Variants in PPP1R21 observed in about 807,000 individuals in gnomAD.
PPP1R21 encodes the protein protein phosphatase 1 regulatory subunit 21, also known as KLRAQ motif containing 1.
A neutral mutation model predicts 112.8 loss-of-function variants in PPP1R21; 85 were observed. The observed-to-expected ratio is 0.75, with a 90% CI of 0.63 to 0.90. The LOEUF is 0.90. Ranked by LOEUF, PPP1R21 falls within the 40% of genes least tolerant of loss-of-function variation. The pLI is 0.00. For synonymous variants in PPP1R21, 381 were observed against 322.3 expected (o/e 1.18, Z -1.95); for missense variants, 1,199 against 901.5 (o/e 1.33, Z -4.23).
chr2:48,509,047 G>A (rs1251816496), intron 19 of PPP1R21, among the ~76,000 whole-genome samples: 1 of 152,152 alleles, frequency 6.6e-6, no homozygotes, highest in Non-Finnish European at 1.5e-5. Context: ...TTATCAGAAA[G>A]TTTAGTGAGC....
In PPP1R21 at chr2:48,458,057, A is replaced by G. The variant is rs775044431; in HGVS notation, c.274-69A>G. Reference sequence around the variant, plus strand: ...AGACAAGCTTCTAAGATGATAGAGAATCTGTGTACCTTAGGATGTTTCTCT... The same window carrying G: ...AGACAAGCTTCTAAGATGATAGAGAGTCTGTGTACCTTAGGATGTTTCTCT... On this transcript the variant is annotated intron_variant, in intron 3 of 21. Transcript: ENST00000294952. 1.8e-5 allele frequency: 18 copies of G among 993,946 alleles called. No homozygotes were observed. In the South Asian group the frequency reaches 2.2e-4, roughly 12 times the overall value. The allele number at this position is 993,946 out of a possible 1,614,324, so 61.6% of individuals were successfully genotyped here.
chr2:48,511,662 G>C (rs1004045704), intron 21 of PPP1R21, among the ~76,000 whole-genome samples, 194 bp downstream of exon 21: 1 of 149,446 alleles, frequency 6.7e-6, no homozygotes, highest in African/African-American at 2.5e-5. Context: ...AGGAGTTGGA[G>C]AGCAGAGTGG....
chr2:48,471,560 A>G (rs1668496651), intron 11 of PPP1R21, 193 bp downstream of exon 11: 1 of 548,964 alleles, frequency 1.8e-6, no homozygotes, highest in African/African-American at 1.9e-5. Flanking sequence ...GTTGAATTAT[A>G]GTCTGTCAGT....
intron 4 of PPP1R21, among the ~76,000 whole-genome samples, 165 bp downstream of exon 4, chr2:48,458,392 A>G (rs1178416128): frequency 6.6e-6 from 1 of 152,204 alleles, no homozygotes; most frequent in Admixed American, 6.5e-5. Flanking sequence ...CTTAAATATC[A>G]CACAGTCTTA....
chr2:48,456,530 T>C (rs1260299637), intron 3 of PPP1R21, among the ~76,000 whole-genome samples: 1 of 152,232 alleles, frequency 6.6e-6, no homozygotes, highest in Non-Finnish European at 1.5e-5. Context: ...ATCAGCAAAG[T>C]GACAATGAGC....
At chr2:48,509,870 A>G (rs535421815) in intron 19 of PPP1R21, 145 bp from the exon 20 acceptor site, 3 of 531,352 alleles carry the variant, frequency 5.6e-6, no homozygotes, top group South Asian at 7.0e-5. Context: ...GATGTGTGAC[A>G]CAATGCCTAT....
intron 16 of PPP1R21, 147 bp from the exon 17 acceptor site, chr2:48,498,346 A>T: frequency 1.4e-6 from 1 of 699,170 alleles, no homozygotes; most frequent in South Asian, 2.1e-5. Flanking sequence ...ATGTCTAATA[A>T]ATCTCTTCCT....
chr2:48,497,095 C>G (rs896434942), intron 16 of PPP1R21, among the ~76,000 whole-genome samples: 1 of 152,180 alleles, frequency 6.6e-6, no homozygotes, highest in Non-Finnish European at 1.5e-5. Context: ...GTCACAAGTT[C>G]TCAAGGTCCA....
chr2:48,493,633 T>C (rs1376482917), intron 15 of PPP1R21, among the ~76,000 whole-genome samples: 3 of 152,136 alleles, frequency 2.0e-5, no homozygotes, highest in African/African-American at 7.2e-5. Flanking sequence ...GATCTTTAAT[T>C]CATCCAGAAT....
rs759529277 is a variant in PPP1R21 at position 48,490,992 on chromosome 2, C to A, written c.1447-26C>A. The A allele has an allele frequency of 1.9e-6, 3 of 1,604,904 alleles. No homozygotes were observed. The Admixed American group carries it at 5.0e-5, about 27-fold the overall frequency. On this transcript the variant is annotated intron_variant, in intron 14 of 21. Coordinates refer to ENST00000294952, the MANE Select transcript of PPP1R21 (RefSeq NM_001135629.3). ...TAGATATATTGTTGGAAAACAAAAT[C>A]TATTTCCTTGTCATACTTTGTTTAG...
intron 20 of PPP1R21, 38 bp from the exon 21 acceptor site, chr2:48,511,302 G>T (rs181208571): frequency 1.9e-6 from 3 of 1,594,956 alleles, no homozygotes; most frequent in Non-Finnish European, 1.7e-6. Flanking sequence ...GGTACGACTC[G>T]TGGGATGTTG....
intron 3 of PPP1R21, among the ~76,000 whole-genome samples, chr2:48,455,231 C>T (rs1335348293): frequency 6.7e-6 from 1 of 148,402 alleles, no homozygotes; most frequent in Non-Finnish European, 1.5e-5. Context: ...ACCACAACCT[C>T]TGCCTCCCAG....
intron 21 of PPP1R21, among the ~76,000 whole-genome samples, chr2:48,514,073 CTTTTTTT>C (rs1225415838): frequency 6.7e-5 from 6 of 89,900 alleles, no homozygotes; most frequent in Admixed American, 2.7e-4. Context: ...GAGACATGTT[CTTTTTTT>C]TTTTTTTTTT....
intron 20 of PPP1R21, 28 bp downstream of exon 20, chr2:48,510,141 T>C (rs1303246642): frequency 1.3e-6 from 2 of 1,547,932 alleles, no homozygotes; most frequent in Non-Finnish European, 1.8e-6. Context: ...TGAATGGTTT[T>C]AATGTTTTTT....
In PPP1R21 at chr2:48,479,941, C is replaced by G. The variant is rs149198729; in HGVS notation, c.1243C>G (p.Leu415Val). The part of the protein sequence containing the change: ...LALPSTEPDG[L>V]LRTNYSSVLT... The stretch of plus-strand genomic sequence containing the variant: ...TTTCCTAGGTACAGAGCCAGATGGA[C>G]TCCTTCGGACAAACTACAGTTCTGT... Residue 415 changes from leucine (L) to valine (V), a missense_variant, in exon 13 of 22, where the codon CTC becomes GTC. Coordinates refer to ENST00000294952, the MANE Select transcript of PPP1R21 (RefSeq NM_001135629.3). 162 of 1,610,486 alleles carry G rather than the reference C, an allele frequency of 1.0e-4. No individual in the cohort carries two copies. In the African/African-American group the frequency reaches 2.0e-3, roughly 20 times the overall value.
intron 15 of PPP1R21, among the ~76,000 whole-genome samples, chr2:48,494,662 C>T (rs554419826): frequency 3.6e-4 from 54 of 151,424 alleles, no homozygotes; most frequent in Non-Finnish European, 6.8e-4. Flanking sequence ...GAAGTCCACC[C>T]GCCTCGGCCT....
At chr2:48,474,872 A>C (rs184135915) in intron 12 of PPP1R21, 53 bp downstream of exon 12, 2 of 1,518,486 alleles carry the variant, frequency 1.3e-6, no homozygotes, top group Non-Finnish European at 1.8e-6. Context: ...GAGTACAAGA[A>C]GCTGGAAAAG....
At chr2:48,445,816 A>G (rs1273895164) in intron 1 of PPP1R21, among the ~76,000 whole-genome samples, 2 of 152,210 alleles carry the variant, frequency 1.3e-5, no homozygotes, top group Admixed American at 6.5e-5. Flanking sequence ...TAGCCTGCAC[A>G]TACTTTATCC....
chr2:48,451,206 A>C, intron 2 of PPP1R21, 130 bp downstream of exon 2: 1 of 690,856 alleles, frequency 1.4e-6, no homozygotes, highest in Middle Eastern at 2.5e-4. Flanking sequence ...GGACAGTAAT[A>C]CAGTCTTTTG....
Sources: allele counts gnomAD v4.1 joint callset (sites outside exome capture counted in the v4.1 genomes callset), GRCh38; gene constraint gnomAD v4.1.1; transcripts MANE v1.5; gene names NCBI Gene and HGNC (gene_info 2026-07-23, HGNC 2026-07-21).